Variants in SLA2 observed in about 807,000 individuals in gnomAD.
SLA2 encodes src-like-adapter 2.
In SLA2, 22 loss-of-function variants were observed where a neutral mutation model predicts 27.3. The observed-to-expected ratio is 0.81, with a 90% CI of 0.58 to 1.15. SLA2 has a LOEUF of 1.15. Ranked by LOEUF, SLA2 falls within the 50% of genes most tolerant of loss-of-function variation. The probability of loss-of-function intolerance (pLI) is 0.00; values close to 1 mark genes in which losing one functional copy is unlikely to be tolerated. For missense variants in SLA2, 304 were observed against 322.2 expected (o/e 0.94, Z 0.43); for synonymous variants, 131 against 137.8 (o/e 0.95, Z 0.34).
At chr20:36,643,220 C>T (rs1345150117) in intron 1 of SLA2, among the ~76,000 whole-genome samples, 5 of 152,168 alleles carry the variant, frequency 3.3e-5, no homozygotes, top group African/African-American at 9.7e-5. Context: ...TAGTTTAAAT[C>T]CCCGGATTTC....
rs772092334 is a variant in SLA2, at chr20:36,613,934, C to T, written c.718G>A (p.Gly240Ser). The T allele has an allele frequency of 6.2e-7, 1 of 1,614,028 alleles. No individual in the cohort carries two copies. The highest frequency in any genetic ancestry group is 8.5e-7 in the Non-Finnish European group (1 of 1,179,960). The change falls in exon 8 of 8, where the codon GGT becomes AGT. Residue 240 changes from glycine to serine, a missense_variant. Coordinates refer to ENST00000262866, the MANE Select transcript of SLA2 (RefSeq NM_032214.4). ...ATGEESLLSE[G>S]LRESLSFYIS... Reference sequence around the variant, plus strand: ...TAGAAGCTGAGGGACTCCCGGAGACCCTCACTGAGAAGAGACTCCTCCCCT... The same window carrying T: ...TAGAAGCTGAGGGACTCCCGGAGACTCTCACTGAGAAGAGACTCCTCCCCT...
At position 36,612,689 on chromosome 20, in the gene SLA2, A is replaced by C. The variant is rs1291099803; in HGVS notation, c.*1177T>G. 1 of 210,932 alleles carries C rather than the reference A, an allele frequency of 4.7e-6. No individual in the cohort carries two copies. The highest frequency in any genetic ancestry group is 2.3e-5 in the African/African-American group (1 of 43,422). 13.1% of individuals were successfully genotyped at this position (210,932 alleles called of 1,614,324 possible). A position where few individuals can be genotyped will look rare whatever the true frequency, so the allele number is the denominator to read the frequency against. ...CCTGATCCCTTAGCGGATCCAGCAGACCTCTTTCTGTTTATGGAGGCAGCA... is the reference window on the plus strand; with the variant it reads ...CCTGATCCCTTAGCGGATCCAGCAGCCCTCTTTCTGTTTATGGAGGCAGCA... On this transcript the variant is annotated 3_prime_UTR_variant, in exon 8 of 8. Coordinates refer to ENST00000262866, the MANE Select transcript of SLA2 (RefSeq NM_032214.4).
chr20:36,632,772 C>T, intron 4 of SLA2, 74 bp from the exon 5 acceptor site: 1 of 1,169,478 alleles, frequency 8.6e-7, no homozygotes, highest in South Asian at 1.3e-5. Context: ...TTTACCACCA[C>T]CGCTGAGTGA....
intron 2 of SLA2, among the ~76,000 whole-genome samples, chr20:36,638,173 G>A (rs2039471952): frequency 1.3e-5 from 2 of 152,080 alleles, no homozygotes; most frequent in African/African-American, 4.8e-5. Flanking sequence ...TTACAGGCAT[G>A]CGCCTGGCCT....
intron 2 of SLA2, among the ~76,000 whole-genome samples, chr20:36,638,272 C>T (rs955821327): frequency 2.0e-5 from 3 of 152,028 alleles, no homozygotes; most frequent in African/African-American, 7.2e-5. Context: ...GAGACTTCTA[C>T]GTTACAAATG....
intron 5 of SLA2, among the ~76,000 whole-genome samples, chr20:36,631,251 T>C (rs6101542): frequency 0.032 from 4,829 of 152,210 alleles, 254 homozygotes; most frequent in African/African-American, 0.11. Context: ...CTCCTGGACT[T>C]AAGTGATCCT....
At chr20:36,619,219 GGA>G (rs1491307335) in intron 5 of SLA2, among the ~76,000 whole-genome samples, 2 of 106,644 alleles carry the variant, frequency 1.9e-5, no homozygotes, top group Non-Finnish European at 3.8e-5. Flanking sequence ...AGACTCTGGG[GGA>G]AAAAAAAAAA....
chr20:36,614,872 C>A, intron 6 of SLA2: 1 of 985,354 alleles, frequency 1.0e-6, no homozygotes, highest in Non-Finnish European at 1.2e-6. Context: ...AGGACAGGCA[C>A]CAGGAAGTAC....
Position 36,615,361 on chromosome 20 carries a change from CA to C in SLA2, c.395del (p.Leu132ArgfsTer77). Reference sequence around the variant, plus strand: ...ATGCAGGGCGGCTGAGGCGGACTGACAGAGAGTAAGAGCCTGAGGAGAAAGG... The same window carrying C: ...ATGCAGGGCGGCTGAGGCGGACTGACGAGAGTAAGAGCCTGAGGAGAAAGG... ...ESQTRRGSYS[L>X]SVRLSRPASW... is the part of the protein sequence containing the mutation. On this transcript the variant is annotated frameshift_variant, in exon 6 of 8. Coordinates refer to ENST00000262866, the MANE Select transcript of SLA2 (RefSeq NM_032214.4). LOFTEE classifies it high-confidence loss of function. The C allele has an allele frequency of 3.7e-6, 6 of 1,613,914 alleles. No individual in the cohort carries two copies. The Admixed American group carries it at 5.0e-5, about 13-fold the overall frequency.
intron 5 of SLA2, among the ~76,000 whole-genome samples, chr20:36,622,919 G>C (rs186591642): frequency 6.6e-6 from 1 of 152,248 alleles, no homozygotes; most frequent in East Asian, 1.9e-4. Flanking sequence ...ATTGTTGGGG[G>C]GGATGATGAT....
intron 4 of SLA2, 21 bp downstream of exon 4, chr20:36,633,522 G>A (rs372412918): frequency 2.8e-5 from 44 of 1,599,122 alleles, no homozygotes; most frequent in Middle Eastern, 1.7e-4. Context: ...TCTGCAAGGC[G>A]GGCCTGGGGT....
chr20:36,622,157 G>A lies in SLA2; in HGVS notation c.383-6783C>T, dbSNP rs150510315. On this transcript the variant is annotated intron_variant, in intron 5 of 7. Coordinates refer to ENST00000262866, the MANE Select transcript of SLA2 (RefSeq NM_032214.4). ...CAACCCATGGTGGAAGTTGCAGTGA[G>A]CCAAGATCATGCCACTGCACTCTAG... Among the ~76,000 whole-genome samples, 400 of 149,860 alleles carry A rather than the reference G, an allele frequency of 2.7e-3. 1 individual carries two copies. The highest frequency in any genetic ancestry group is 8.8e-3 in the African/African-American group (356 of 40,348).
At chr20:36,637,911 C>CA (rs1246917730) in intron 2 of SLA2, among the ~76,000 whole-genome samples, 1 of 110,636 alleles carries the variant, frequency 9.0e-6, no homozygotes, top group Non-Finnish European at 1.7e-5. Context: ...TTTTTTGAGA[C>CA]AGAGTCTCAC....
chr20:36,636,422 C>T (rs1370693050), intron 2 of SLA2, among the ~76,000 whole-genome samples: 2 of 111,050 alleles, frequency 1.8e-5, no homozygotes, highest in East Asian at 2.2e-4. Context: ...AGCAAGACTC[C>T]GTCTCAAAAA....
At chr20:36,614,133 A>C in intron 7 of SLA2, 147 bp from the exon 8 acceptor site, 6 of 1,470,800 alleles carry the variant, frequency 4.1e-6, no homozygotes, top group Non-Finnish European at 5.6e-6. Flanking sequence ...CAGCTTCCCC[A>C]GCCCCACCTG....
rs1192956198 is a variant in SLA2, at chr20:36,615,248, T to C, written c.509A>G (p.Gln170Arg). ...ACCAGAGTAATGGTCCACCAGGGCC[T>C]GGAGTGAGGGGAAGGTGAGGCGCGG... is the stretch of plus-strand genomic sequence containing the variant. ...ISPRLTFPSL[Q>R]ALVDHYSELA... is the part of the protein sequence containing the mutation. Residue 170 changes from glutamine (Q) to arginine (R), a missense_variant, in exon 6 of 8, where the codon CAG (glutamine) becomes CGG (arginine). Gln to Arg is a conservative substitution (Grantham distance 43). Transcript: ENST00000262866. 6.2e-7 allele frequency: 1 copy of C among 1,613,874 alleles called. No individual in the cohort carries two copies. Among genetic ancestry groups the C allele is most frequent in the African/African-American group, 1.3e-5 (1 of 74,888 alleles).
At chr20:36,617,203 CAA>C (rs1243483698) in intron 5 of SLA2, among the ~76,000 whole-genome samples, 4 of 137,218 alleles carry the variant, frequency 2.9e-5, no homozygotes, top group African/African-American at 2.6e-5. Context: ...ACTAAAAATA[CAA>C]AAAAAAAAAA....
chr20:36,643,583 T>C (rs1379975533), intron 1 of SLA2, among the ~76,000 whole-genome samples: 1 of 152,162 alleles, frequency 6.6e-6, no homozygotes, highest in African/African-American at 2.4e-5. Flanking sequence ...CAGTCCTGTC[T>C]GGGGAGTAAA....
chr20:36,640,905 C>A (rs1049940793), intron 2 of SLA2, among the ~76,000 whole-genome samples: 1 of 152,112 alleles, frequency 6.6e-6, no homozygotes, highest in African/African-American at 2.4e-5. Context: ...GGAGGTGGGG[C>A]TGGCCAGCTC....
Sources: allele counts gnomAD v4.1 joint callset (sites outside exome capture counted in the v4.1 genomes callset), GRCh38; gene constraint gnomAD v4.1.1; transcripts MANE v1.5; gene names NCBI Gene and HGNC (gene_info 2026-07-23, HGNC 2026-07-21).